NUFIP1: variants seen among roughly 807,000 people sequenced by gnomAD.
The protein encoded by NUFIP1 is nuclear FMR1 interacting protein 1, also known as FMR1-interacting protein NUFIP1.
Under a neutral mutation model 56.2 loss-of-function variants are expected in NUFIP1, and 38 were observed. The observed-to-expected ratio is 0.68, with a 90% CI of 0.52 to 0.89. NUFIP1 has a LOEUF of 0.89. NUFIP1 is among the 40% of genes least tolerant of loss of function. The pLI is 0.00. For synonymous variants in NUFIP1, 215 were observed against 212.4 expected (o/e 1.01, Z -0.10); for missense variants, 567 against 605.8 (o/e 0.94, Z 0.67).
intron 5 of NUFIP1, among the ~76,000 whole-genome samples, chr13:44,966,902 G>A (rs570537376): frequency 1.3e-5 from 2 of 151,774 alleles, no homozygotes; most frequent in South Asian, 2.1e-4. Flanking sequence ...GAAACCAGGA[G>A]GTGGAGGTTG....
At chr13:44,943,259 T>G (rs1417662278) in intron 9 of NUFIP1, among the ~76,000 whole-genome samples, 183 bp downstream of exon 9, 2 of 152,148 alleles carry the variant, frequency 1.3e-5, no homozygotes, top group Admixed American at 1.3e-4. Flanking sequence ...TTATTCCACA[T>G]TCACTGAATA....
chr13:44,948,531 C>T (rs1322617636), intron 8 of NUFIP1, among the ~76,000 whole-genome samples: 1 of 152,174 alleles, frequency 6.6e-6, no homozygotes, highest in Non-Finnish European at 1.5e-5. Context: ...ACTTTGATTA[C>T]ACATCTTGTC....
chr13:44,962,512 T>A (rs1243987815), intron 6 of NUFIP1, among the ~76,000 whole-genome samples: 1 of 152,240 alleles, frequency 6.6e-6, no homozygotes, highest in African/African-American at 2.4e-5. Context: ...TAATGACATT[T>A]TGATCAACAA....
rs188164586 is a variant in NUFIP1, at chr13:44,988,877, C to G, written c.412+148G>C. 295 of 722,690 alleles carry G rather than the reference C, an allele frequency of 4.1e-4. No homozygotes were observed. The African/African-American group carries it at 4.7e-3, about 12-fold the overall frequency. 44.8% of individuals were successfully genotyped at this position (722,690 alleles called of 1,614,324 possible). A position where few individuals can be genotyped will look rare whatever the true frequency, so the allele number is the denominator to read the frequency against. ...GCTAATTTTATTTTTTTTGTAGAGA[C>G]GGGGGTCTCACTTTGCTTTGAGATG... On this transcript the variant is annotated intron_variant, in intron 1 of 9. Transcript: ENST00000379161.
rs1871372200 is a variant in NUFIP1, at chr13:44,960,106, A to G, written c.828-532T>C. On this transcript the variant is annotated intron_variant, in intron 6 of 9. Coordinates refer to ENST00000379161, the MANE Select transcript of NUFIP1 (RefSeq NM_012345.3). Reference sequence around the variant, plus strand: ...GCCACCACACCCAGCTAATTTTTGTATTTTTAGTAGAGTCAAGGTTTCACC... The same window carrying G: ...GCCACCACACCCAGCTAATTTTTGTGTTTTTAGTAGAGTCAAGGTTTCACC... 2.0e-5 allele frequency among the ~76,000 whole-genome samples: 3 copies of G among 151,108 alleles called. 1 individual carries two copies. Among genetic ancestry groups the G allele is most frequent in the South Asian group, 4.2e-4 (2 of 4,790 alleles).
chr13:44,951,814 T>C (rs1871093197), intron 7 of NUFIP1, among the ~76,000 whole-genome samples: 1 of 152,214 alleles, frequency 6.6e-6, no homozygotes, highest in Admixed American at 6.5e-5. Context: ...AAATGTACCT[T>C]AATTTAAAAA....
intron 5 of NUFIP1, among the ~76,000 whole-genome samples, chr13:44,975,992 T>C (rs778672613): frequency 6.6e-6 from 1 of 152,232 alleles, no homozygotes; most frequent in African/African-American, 2.4e-5. Context: ...TAGATAACTT[T>C]TAAGTTGCTT....
chr13:44,988,297 G>C (rs570587823), intron 1 of NUFIP1, among the ~76,000 whole-genome samples: 2 of 152,304 alleles, frequency 1.3e-5, no homozygotes, highest in African/African-American at 4.8e-5. Context: ...GCGTGGGCCT[G>C]TAGTCCCAGC....
intron 3 of NUFIP1, 124 bp downstream of exon 3, chr13:44,980,598 G>A: frequency 1.4e-6 from 1 of 720,464 alleles, no homozygotes; most frequent in Non-Finnish European, 2.3e-6. Context: ...CTGTCAAGTT[G>A]TCAAACTATA....
intron 8 of NUFIP1, among the ~76,000 whole-genome samples, chr13:44,945,502 CCAAATCTCTTA>C (rs1870876868): frequency 6.6e-6 from 1 of 151,956 alleles, no homozygotes; most frequent in Non-Finnish European, 1.5e-5. Context: ...CCTACTCATA[CCAAATCTCTTA>C]CAATAAAAGA....
intron 8 of NUFIP1, among the ~76,000 whole-genome samples, chr13:44,944,075 T>C (rs2137890325): frequency 6.6e-6 from 1 of 152,276 alleles, no homozygotes; most frequent in African/African-American, 2.4e-5. Context: ...ATTTATAACA[T>C]CTATAGAAAT....
At position 44,956,232 on chromosome 13, in the gene NUFIP1, C is replaced by T. The variant is rs185140462; in HGVS notation, c.1021+3149G>A. ...ATTCAAAGCCATCCTTGGCTGCATGCAGTCCATGGGCCATGGTTTGGACAA... is the reference window on the plus strand; with the variant it reads ...ATTCAAAGCCATCCTTGGCTGCATGTAGTCCATGGGCCATGGTTTGGACAA... On this transcript the variant is annotated intron_variant, in intron 7 of 9. Transcript: ENST00000379161. Among the ~76,000 whole-genome samples the T allele has an allele frequency of 1.0e-3, 152 of 151,818 alleles. 1 individual carries two copies. The highest frequency in any genetic ancestry group is 3.4e-3 in the Middle Eastern group (1 of 292).
chr13:44,965,968 G>T (rs1262411611), intron 5 of NUFIP1, 32 bp from the exon 6 acceptor site: 3 of 1,289,350 alleles, frequency 2.3e-6, no homozygotes, highest in East Asian at 2.5e-5. Flanking sequence ...TTATAATAGG[G>T]CTTTTAGAGT....
In NUFIP1 at chr13:44,943,597, G is replaced by A. The variant is rs369580278; in HGVS notation, c.1216C>T (p.Gln406Ter). 27 of 1,613,956 alleles carry A rather than the reference G, an allele frequency of 1.7e-5. No homozygotes were observed. Among genetic ancestry groups the A allele is most frequent in the Non-Finnish European group, 2.2e-5 (26 of 1,179,974 alleles). The change falls in exon 9 of 10, where the codon CAA becomes TAA. Residue 406 changes from glutamine (Q) to a stop codon, truncating the protein, a stop_gained. Transcript: ENST00000379161. LOFTEE classifies it high-confidence loss of function. Reference protein sequence around the residue: ...LDSSAPKSPSQDVKATVRNFS... With the variant: ...LDSSAPKSPS Reference sequence around the variant, plus strand: ...TTTCTAACAGTTGCTTTAACATCTTGACTTGGACTCTTAGGAGCACTGCTA... The same window carrying A: ...TTTCTAACAGTTGCTTTAACATCTTAACTTGGACTCTTAGGAGCACTGCTA...
At chr13:44,959,721 T>C in intron 6 of NUFIP1, 147 bp from the exon 7 acceptor site, 1 of 640,226 alleles carries the variant, frequency 1.6e-6, no homozygotes, top group Non-Finnish European at 2.6e-6. Context: ...ATAAAAGAAA[T>C]TCCAGTGACT....
chr13:44,987,989 G>A (rs879822170), intron 1 of NUFIP1, among the ~76,000 whole-genome samples: 1 of 152,186 alleles, frequency 6.6e-6, no homozygotes, highest in Non-Finnish European at 1.5e-5. Flanking sequence ...TAGCTTCTAA[G>A]CCTCAAGACC....
intron 5 of NUFIP1, among the ~76,000 whole-genome samples, chr13:44,978,466 T>G (rs996470251): frequency 7.2e-5 from 11 of 152,204 alleles, no homozygotes; most frequent in Admixed American, 4.6e-4. Flanking sequence ...CTGCATAGTC[T>G]TCTGCTTCAG....
chr13:44,944,188 C>A (rs901131863), intron 8 of NUFIP1, among the ~76,000 whole-genome samples: 1 of 151,996 alleles, frequency 6.6e-6, no homozygotes, highest in Non-Finnish European at 1.5e-5. Context: ...TGAAAGTACA[C>A]GATGAAAAGT....
In NUFIP1 at chr13:44,941,167, T is replaced by A. The variant is rs764955726; in HGVS notation, c.*39A>T. 9.6e-7 allele frequency: 1 copy of A among 1,044,986 alleles called. No individual in the cohort carries two copies. Among genetic ancestry groups the A allele is most frequent in the Admixed American group, 2.1e-5 (1 of 47,392 alleles). 64.7% of individuals were successfully genotyped at this position (1,044,986 alleles called of 1,614,324 possible). On this transcript the variant is annotated 3_prime_UTR_variant, in exon 10 of 10. Coordinates refer to ENST00000379161, the MANE Select transcript of NUFIP1 (RefSeq NM_012345.3). ...CCTCTACTAACGAGGATGATACTGT[T>A]TCACATGCTTCAGTTATGTATGCTG...
Sources: gnomAD v4.1 joint callset for allele counts (sites outside exome capture counted in the v4.1 genomes callset) on GRCh38, gnomAD v4.1.1 for gene constraint, MANE v1.5 for transcripts, NCBI Gene and HGNC (gene_info 2026-07-23, HGNC 2026-07-21) for gene names.